The following MYT1L variants were observed in gnomAD, a reference collection of about 807,000 sequenced individuals.
MYT1L encodes myelin transcription factor 1 like.
Under a neutral mutation model 126.7 loss-of-function variants are expected in MYT1L, and 12 were observed. The ratio of observed to expected loss-of-function variants is 0.09; its 90% CI spans 0.06 to 0.15. MYT1L has a LOEUF of 0.15. MYT1L is among the 10% of genes least tolerant of loss of function. The probability of loss-of-function intolerance (pLI) is 1.00; values close to 1 mark genes in which losing one functional copy is unlikely to be tolerated. For missense variants in MYT1L, 979 were observed against 1,585.2 expected (o/e 0.62, Z 6.49); for synonymous variants, 541 against 604.2 (o/e 0.90, Z 1.53).
intron 2 of MYT1L, among the ~76,000 whole-genome samples, chr2:2,275,913 T>A (rs951642121): frequency 6.6e-6 from 1 of 152,204 alleles, no homozygotes; most frequent in East Asian, 1.9e-4. Context: ...GAAAGGCCTA[T>A]GTATTCTTCA....
At chr2:1,893,592 T>C (rs2049196268) in intron 14 of MYT1L, among the ~76,000 whole-genome samples, 1 of 152,140 alleles carries the variant, frequency 6.6e-6, no homozygotes, top group African/African-American at 2.4e-5. Flanking sequence ...TGTCTGTTGC[T>C]ACAAGGAAAG....
chr2:1,881,386 G>GTGTGTGTGTGTGTC (rs2047526812), intron 18 of MYT1L, among the ~76,000 whole-genome samples: 1 of 150,008 alleles, frequency 6.7e-6, no homozygotes, highest in Non-Finnish European at 1.5e-5. Context: ...GTGTGTGTGT[G>GTGTGTGTGTGTGTC]TGTGTGTGTG....
rs2074210117 is a variant in MYT1L at position 2,068,769 on chromosome 2, G to GTTTGTTTTTTTT, written c.-303-14647_-303-14646insAAAAAAAACAAA. Among the ~76,000 whole-genome samples the GTTTGTTTTTTTT allele has an allele frequency of 7.3e-4, 19 of 26,192 alleles. 1 individual carries two copies. Among genetic ancestry groups the GTTTGTTTTTTTT allele is most frequent in the Admixed American group, 9.0e-4 (1 of 1,116 alleles). The allele number at this position is 26,192 out of a possible 152,430, so 17.2% of individuals were successfully genotyped here. On this transcript the variant is annotated intron_variant, in intron 3 of 24. Coordinates refer to ENST00000647738, the MANE Select transcript of MYT1L (RefSeq NM_001303052.2). ...GGACACAGACACCTGTGTTCTTCTT[G>GTTTGTTTTTTTT]TTTTTTTTTTTTTTTTTTTTTTTTT...
At position 1,793,728 on chromosome 2, in the gene MYT1L, T is replaced by G. The variant is rs559069964; in HGVS notation, c.3277-1264A>C. 6.6e-6 allele frequency among the ~76,000 whole-genome samples: 1 copy of G among 152,178 alleles called. No homozygotes were observed. The highest frequency in any genetic ancestry group is 1.5e-5 in the Non-Finnish European group (1 of 68,034). ...CCATTCCTGCAGGGACGGTCCCCTG[T>G]GGAGAACACACTGAAATCACACAGA... On this transcript the variant is annotated intron_variant, in intron 23 of 24. Transcript: ENST00000647738. The surrounding 1 kb of genome is among the most constrained non-coding windows in gnomAD (Gnocchi z 4.6).
intron 1 of MYT1L, among the ~76,000 whole-genome samples, chr2:2,312,133 G>A (rs555402520): frequency 7.2e-5 from 11 of 152,242 alleles, no homozygotes; most frequent in East Asian, 5.8e-4. Context: ...GAACAAAGTC[G>A]CCTGTGTGAT....
chr2:2,271,279 A>C (rs1198725224), intron 2 of MYT1L, among the ~76,000 whole-genome samples: 1 of 152,200 alleles, frequency 6.6e-6, no homozygotes, highest in East Asian at 1.9e-4. Context: ...CACACAGTCC[A>C]AGAACACCCA....
Position 1,886,401 on chromosome 2 carries a change from A to G in MYT1L, c.2711+138T>C, listed in dbSNP as rs4853824. On this transcript the variant is annotated intron_variant, in intron 18 of 24. Coordinates refer to ENST00000647738, the MANE Select transcript of MYT1L (RefSeq NM_001303052.2). ...GCTGAAATTCCGAGGATTCAATCCC[A>G]TGTCTACATCAAGGCACTGGGGTGC... 0.27 allele frequency: 143,638 copies of G among 531,906 alleles called. 22,504 individuals are homozygous for G. Among genetic ancestry groups the G allele is most frequent in the African/African-American group, 0.55 (27,556 of 50,554 alleles). 32.9% of individuals were successfully genotyped at this position (531,906 alleles called of 1,614,324 possible). A position where few individuals can be genotyped will look rare whatever the true frequency, so the allele number is the denominator to read the frequency against.
At chr2:1,947,498 G>A (rs1354703028) in intron 8 of MYT1L, among the ~76,000 whole-genome samples, 2 of 152,182 alleles carry the variant, frequency 1.3e-5, no homozygotes, top group East Asian at 3.9e-4. Context: ...GGGTGTCTGA[G>A]TCCCAACCTT....
intron 4 of MYT1L, among the ~76,000 whole-genome samples, chr2:2,051,493 G>A (rs1007564462): frequency 3.9e-5 from 6 of 152,130 alleles, no homozygotes; most frequent in Non-Finnish European, 8.8e-5. Context: ...GCAATGAACC[G>A]CTGGACACCA....
At chr2:2,144,550 G>C (rs1026954130) in intron 3 of MYT1L, among the ~76,000 whole-genome samples, 7 of 152,202 alleles carry the variant, frequency 4.6e-5, no homozygotes, top group Non-Finnish European at 7.3e-5. Context: ...GAGTGAAGTG[G>C]AAAGTAAAAC....
chr2:2,199,465 C>G (rs918209805), intron 2 of MYT1L, among the ~76,000 whole-genome samples: 1 of 152,128 alleles, frequency 6.6e-6, no homozygotes, highest in African/African-American at 2.4e-5. Context: ...CGTGATCCCC[C>G]GTCACACTCT....
intron 3 of MYT1L, among the ~76,000 whole-genome samples, chr2:2,075,610 G>C (rs2075133852): frequency 6.6e-6 from 1 of 152,180 alleles, no homozygotes. Context: ...TTGGAGGAGG[G>C]ATGAACAAAA....
At chr2:2,132,599 G>T (rs953391443) in intron 3 of MYT1L, among the ~76,000 whole-genome samples, 1 of 152,048 alleles carries the variant, frequency 6.6e-6, no homozygotes, top group East Asian at 1.9e-4. Flanking sequence ...GGGAGGGAGA[G>T]CGTTAGAACA....
At chr2:1,938,293 A>G (rs188993595) in intron 9 of MYT1L, among the ~76,000 whole-genome samples, 1 of 152,360 alleles carries the variant, frequency 6.6e-6, no homozygotes, top group East Asian at 1.9e-4. Flanking sequence ...CATTTACTAT[A>G]TATTTCTCAA....
At chr2:2,004,003 ATGCC>A (rs1429112254) in intron 4 of MYT1L, among the ~76,000 whole-genome samples, 2 of 135,964 alleles carry the variant, frequency 1.5e-5, no homozygotes, top group Non-Finnish European at 3.4e-5. Flanking sequence ...TCTTTCCTGC[ATGCC>A]TTCTTTCCTG....
chr2:2,008,114 C>T (rs935689274), intron 4 of MYT1L, among the ~76,000 whole-genome samples: 1 of 152,220 alleles, frequency 6.6e-6, no homozygotes, highest in African/African-American at 2.4e-5. Flanking sequence ...CTCTGTCACT[C>T]CTGTGGCCCC....
chr2:2,149,165 A>G (rs2085348017), intron 3 of MYT1L, among the ~76,000 whole-genome samples: 1 of 151,638 alleles, frequency 6.6e-6, no homozygotes, highest in African/African-American at 2.4e-5. Context: ...TGGTTTCTCA[A>G]TTATGTTCTT....
Position 2,295,549 on chromosome 2 carries a change from G to GAGAGACAGACAGACAGAGAGAGAT in MYT1L, c.-520-11047_-520-11046insATCTCTCTCTGTCTGTCTGTCTCT, listed in dbSNP as rs1559582874. Among the ~76,000 whole-genome samples, 10 of 45,406 alleles carry GAGAGACAGACAGACAGAGAGAGAT rather than the reference G, an allele frequency of 2.2e-4. 3 individuals are homozygous for GAGAGACAGACAGACAGAGAGAGAT. Among genetic ancestry groups the GAGAGACAGACAGACAGAGAGAGAT allele is most frequent in the African/African-American group, 4.3e-4 (6 of 13,982 alleles). The allele number at this position is 45,406 out of a possible 152,430, so 29.8% of individuals were successfully genotyped here. A position where few individuals can be genotyped will look rare whatever the true frequency, so the allele number is the denominator to read the frequency against. ...GTGCAGAGAAAGATAGAGAGAGAGAGAGAGAGACAGACAGACAGAGAGAGA... is the reference window on the plus strand; with the variant it reads ...GTGCAGAGAAAGATAGAGAGAGAGAGAGAGACAGACAGACAGAGAGAGATAGAGAGACAGACAGACAGAGAGAGA... On this transcript the variant is annotated intron_variant, in intron 1 of 24. Transcript: ENST00000647738.
chr2:2,247,818 TTGGAAACTTTCTTGAAACAAATGATAA>T (rs1366375539), intron 2 of MYT1L, among the ~76,000 whole-genome samples: 6 of 151,936 alleles, frequency 3.9e-5, no homozygotes, highest in Non-Finnish European at 8.8e-5. Context: ...CAGAAGAAAA[TTGGAAACTTTCTTGAAACAAATGATAA>T]TGGAAACACA....
Sources: allele counts gnomAD v4.1 joint callset (sites outside exome capture counted in the v4.1 genomes callset), GRCh38; gene constraint gnomAD v4.1.1; non-coding constraint Gnocchi (gnomAD v3.1); transcripts MANE v1.5; gene names NCBI Gene and HGNC (gene_info 2026-07-23, HGNC 2026-07-21).